The following GPATCH8 variants were observed in gnomAD, a reference collection of about 807,000 sequenced individuals.
The protein encoded by GPATCH8 is G patch domain-containing protein 8.
Under a neutral mutation model 118.3 loss-of-function variants are expected in GPATCH8, and 18 were observed. The observed-to-expected ratio is 0.15, with a 90% CI of 0.11 to 0.23. The LOEUF (loss-of-function observed/expected upper bound fraction) is 0.23, where lower values mean the gene tolerates loss of function less well. Among genes scored for constraint, GPATCH8 ranks in the 10% least tolerant of loss-of-function variants. The pLI, the probability that GPATCH8 is intolerant of heterozygous loss-of-function variation, is 1.00. For missense variants in GPATCH8, 1,631 were observed against 1,873.8 expected (o/e 0.87, Z 2.39); for synonymous variants, 659 against 684.7 (o/e 0.96, Z 0.59).
intron 3 of GPATCH8, among the ~76,000 whole-genome samples, chr17:44,451,373 G>A (rs573115968): frequency 1.3e-5 from 2 of 152,114 alleles, no homozygotes; most frequent in South Asian, 2.1e-4. Context: ...GATTACAGTC[G>A]TGAGCCACCA....
At chr17:44,413,035 G>T (rs1253723897) in intron 6 of GPATCH8, among the ~76,000 whole-genome samples, 3 of 152,192 alleles carry the variant, frequency 2.0e-5, no homozygotes, top group African/African-American at 7.2e-5. Flanking sequence ...AGAGAATATA[G>T]AATGTTTCAG....
Position 44,395,653 on chromosome 17 carries a change from G to A in GPATCH8, c.*1915C>T. 2.2e-6 allele frequency: 1 copy of A among 454,158 alleles called. No homozygotes were observed. Among genetic ancestry groups the A allele is most frequent in the Non-Finnish European group, 4.4e-6 (1 of 226,802 alleles). The allele number at this position is 454,158 out of a possible 1,614,324, so 28.1% of individuals were successfully genotyped here. A position where few individuals can be genotyped will look rare whatever the true frequency, so the allele number is the denominator to read the frequency against. ...AATCAGATGAGTACTGAACAGGTAG[G>A]AGGGTGGGAGGGCAGTCAAGAGTTG... is the stretch of plus-strand genomic sequence containing the variant. On this transcript the variant is annotated 3_prime_UTR_variant, in exon 8 of 8. Coordinates refer to ENST00000591680, the MANE Select transcript of GPATCH8 (RefSeq NM_001002909.4).
In GPATCH8 at chr17:44,400,288, T is replaced by C. The variant is rs745644141; in HGVS notation, c.1789A>G (p.Ser597Gly). The change falls in exon 8 of 8, where the codon AGC (serine) becomes GGC (glycine). Residue 597 changes from serine to glycine, a missense_variant. Ser to Gly is a moderately conservative substitution (Grantham distance 56). Around this residue, in one of 8 missense-constraint regions of GPATCH8, gnomAD observed 405 missense variants for 462.7 expected, o/e 0.88. Transcript: ENST00000591680. ...KGTEKPKDIG[S>G]SSKDHLQGLD... The stretch of plus-strand genomic sequence containing the variant: ...CCTTGGAGATGGTCCTTTGAGGAGC[T>C]TCCTATATCCTTTGGTTTTTCTGTT... 6.2e-7 allele frequency: 1 copy of C among 1,614,098 alleles called. No homozygotes were observed. Among genetic ancestry groups the C allele is most frequent in the African/African-American group, 1.3e-5 (1 of 75,074 alleles).
At chr17:44,448,504 G>A (rs867829331) in intron 3 of GPATCH8, among the ~76,000 whole-genome samples, 3,261 of 38,386 alleles carry the variant, frequency 0.085, 276 homozygotes, top group African/African-American at 0.28. Context: ...AAAAAAAAAA[G>A]GGGGGGGGGG....
chr17:44,501,806 T>C (rs1329397295), intron 1 of GPATCH8, among the ~76,000 whole-genome samples: 2 of 152,204 alleles, frequency 1.3e-5, no homozygotes, highest in African/African-American at 4.8e-5. Context: ...GAGATTATTC[T>C]CTCCTCTGAA....
intron 7 of GPATCH8, among the ~76,000 whole-genome samples, chr17:44,402,203 C>T (rs2049051653): frequency 6.6e-6 from 1 of 150,524 alleles, no homozygotes; most frequent in African/African-American, 2.4e-5. Context: ...GTCTGTAATC[C>T]CAGCTACTCA....
intron 3 of GPATCH8, among the ~76,000 whole-genome samples, chr17:44,452,272 C>CAAAAAAAAAAAAAA (rs1187689963): frequency 5.8e-4 from 25 of 43,304 alleles, no homozygotes; most frequent in African/African-American, 8.3e-4. Context: ...CACTCCGTCT[C>CAAAAAAAAAAAAAA]AAAAAAAAAA....
intron 3 of GPATCH8, among the ~76,000 whole-genome samples, chr17:44,446,386 G>A (rs551231116): frequency 1.2e-4 from 18 of 152,066 alleles, no homozygotes; most frequent in Admixed American, 1.1e-3. Flanking sequence ...CTAACACGGC[G>A]AAACCCAGTC....
chr17:44,458,255 G>GAA lies in GPATCH8; in HGVS notation c.193+6215_193+6216dup, dbSNP rs542843854. On this transcript the variant is annotated intron_variant, in intron 3 of 7. Transcript: ENST00000591680. ...AACAAAGCAAGACTCTGTCTCAAAG[G>GAA]AAAAAAAAAAAAAAAAAAGCTGGAT... Among the ~76,000 whole-genome samples, 112 of 74,966 alleles carry GAA rather than the reference G, an allele frequency of 1.5e-3. 1 individual carries two copies. The highest frequency in any genetic ancestry group is 4.4e-3 in the African/African-American group (86 of 19,438). The allele number at this position is 74,966 out of a possible 152,430, so 49.2% of individuals were successfully genotyped here.
rs1015298060 is a variant in GPATCH8, at chr17:44,395,433, TAAAG to T, written c.*2131_*2134del. 2.2e-6 allele frequency: 1 copy of T among 454,266 alleles called. No individual in the cohort carries two copies. The highest frequency in any genetic ancestry group is 2.0e-5 in the African/African-American group (1 of 49,988). The allele number at this position is 454,266 out of a possible 1,614,324, so 28.1% of individuals were successfully genotyped here. On this transcript the variant is annotated 3_prime_UTR_variant, in exon 8 of 8. Coordinates refer to ENST00000591680, the MANE Select transcript of GPATCH8 (RefSeq NM_001002909.4). ...CTTTTAAAATCACTATTCTGGAAGT[TAAAG>T]AAAATGCCCCTAGGAAGGCAAAGAG... is the stretch of plus-strand genomic sequence containing the variant.
rs1273751772 is a variant in GPATCH8, at chr17:44,395,389, A to T, written c.*2179T>A. On this transcript the variant is annotated 3_prime_UTR_variant, in exon 8 of 8. Transcript: ENST00000591680. The stretch of plus-strand genomic sequence containing the variant: ...ATACAATCTGTTATGCTTGTAAGTA[A>T]GGTTTATTTTTATTTTTACTTTTAA... 1 of 452,894 alleles carries T rather than the reference A, an allele frequency of 2.2e-6. No individual in the cohort carries two copies. The allele number at this position is 452,894 out of a possible 1,614,324, so 28.1% of individuals were successfully genotyped here. A position where few individuals can be genotyped will look rare whatever the true frequency, so the allele number is the denominator to read the frequency against.
chr17:44,452,217 G>A (rs1271757328), intron 3 of GPATCH8, among the ~76,000 whole-genome samples: 1 of 142,470 alleles, frequency 7.0e-6, no homozygotes, highest in East Asian at 2.1e-4. Context: ...AGGTTGCAGT[G>A]AGCCGAGACT....
At chr17:44,441,213 G>C (rs1033082782) in intron 3 of GPATCH8, among the ~76,000 whole-genome samples, 1 of 152,092 alleles carries the variant, frequency 6.6e-6, no homozygotes, top group Non-Finnish European at 1.5e-5. Flanking sequence ...ATATATTAAA[G>C]GACAACCATA....
At chr17:44,481,136 CTT>C (rs1412145005) in intron 1 of GPATCH8, among the ~76,000 whole-genome samples, 1 of 152,186 alleles carries the variant, frequency 6.6e-6, no homozygotes, top group Admixed American at 6.5e-5. Context: ...GTCTCGAACT[CTT>C]GGGCTCAATC....
chr17:44,466,144 G>C (rs768047708), intron 2 of GPATCH8, among the ~76,000 whole-genome samples: 1 of 151,334 alleles, frequency 6.6e-6, no homozygotes, highest in African/African-American at 2.4e-5. Flanking sequence ...CAGCCTGGGA[G>C]GTATGGGCGC....
Position 44,406,058 on chromosome 17 carries a change from T to TA in GPATCH8, c.493-8dup. 1 of 1,597,120 alleles carries TA rather than the reference T, an allele frequency of 6.3e-7. No individual in the cohort carries two copies. Among genetic ancestry groups the TA allele is most frequent in the African/African-American group, 1.3e-5 (1 of 74,666 alleles). ...GCTTCAGATCTTTTAATCTCTGGGT[T>TA]AAAAGAAAGAAAGATACAGAGGGTG... On this transcript the variant is annotated splice_region_variant and splice_polypyrimidine_tract_variant and intron_variant, in intron 6 of 7. Coordinates refer to ENST00000591680, the MANE Select transcript of GPATCH8 (RefSeq NM_001002909.4).
intron 1 of GPATCH8, among the ~76,000 whole-genome samples, chr17:44,476,829 CA>C (rs780696715): frequency 6.6e-6 from 1 of 152,202 alleles, no homozygotes; most frequent in Non-Finnish European, 1.5e-5. Flanking sequence ...ACAGTTTCAA[CA>C]AATGATAGCT....
intron 1 of GPATCH8, among the ~76,000 whole-genome samples, chr17:44,490,961 C>T (rs1043579849): frequency 6.6e-6 from 1 of 152,142 alleles, no homozygotes; most frequent in Non-Finnish European, 1.5e-5. Context: ...TAAATGAAAT[C>T]TTATTATTTG....
intron 7 of GPATCH8, among the ~76,000 whole-genome samples, chr17:44,404,299 G>C (rs577855618): frequency 1.3e-5 from 2 of 151,932 alleles, no homozygotes; most frequent in African/African-American, 4.8e-5. Context: ...CACCATGCCC[G>C]GCTAATTTTT....
Sources: allele counts gnomAD v4.1 joint callset (sites outside exome capture counted in the v4.1 genomes callset), GRCh38; gene constraint gnomAD v4.1.1; regional missense constraint gnomAD v4.1.1; transcripts MANE v1.5; gene names NCBI Gene and HGNC (gene_info 2026-07-23, HGNC 2026-07-21).